The following DIAPH2 variants were observed in gnomAD, a reference collection of about 807,000 sequenced individuals.
DIAPH2 encodes the protein protein diaphanous homolog 2.
Under a neutral mutation model 92.7 loss-of-function variants are expected in DIAPH2, and 35 were observed. That is an observed-to-expected ratio of 0.38 (90% CI 0.29 to 0.50). DIAPH2 has a LOEUF of 0.50. Among genes scored for constraint, DIAPH2 ranks in the 20% least tolerant of loss-of-function variants. The pLI, the probability that DIAPH2 is intolerant of heterozygous loss-of-function variation, is 0.94. For missense variants in DIAPH2, 701 were observed against 819.5 expected (o/e 0.86, Z 1.77); for synonymous variants, 301 against 280.4 (o/e 1.07, Z -0.73).
chrX:97,574,222 G>A (rs1489914088), intron 26 of DIAPH2, among the ~76,000 whole-genome samples: 3 of 111,896 alleles, frequency 2.7e-5, no homozygotes, highest in African/African-American at 9.7e-5. Context: ...AGGATTCAAA[G>A]CACACAGGAA....
At chrX:97,559,099 G>A (rs910552074) in intron 26 of DIAPH2, among the ~76,000 whole-genome samples, 3 of 112,093 alleles carry the variant, frequency 2.7e-5, no homozygotes, top group Admixed American at 1.9e-4. Context: ...ACTATATTGA[G>A]ACAATTCTGA....
intron 3 of DIAPH2, among the ~76,000 whole-genome samples, chrX:96,744,017 G>T (rs760993053): frequency 6.3e-5 from 7 of 111,526 alleles, no homozygotes; most frequent in African/African-American, 2.3e-4. Flanking sequence ...TTAAATAACA[G>T]TATAATATAA....
At chrX:97,239,011 G>A (rs904690560) in intron 22 of DIAPH2, among the ~76,000 whole-genome samples, 1 of 111,451 alleles carries the variant, frequency 9.0e-6, no homozygotes. Context: ...CTTTCTTAGA[G>A]CAAAGATGTA....
chrX:97,537,084 C>T (rs1173158456), intron 26 of DIAPH2, among the ~76,000 whole-genome samples: 2 of 111,447 alleles, frequency 1.8e-5, no homozygotes, highest in Non-Finnish European at 3.8e-5. Flanking sequence ...TTACTAGGGA[C>T]ATCTCAGAAG....
chrX:96,909,479 G>C (rs768958486), intron 5 of DIAPH2, among the ~76,000 whole-genome samples: 2 of 111,330 alleles, frequency 1.8e-5, no homozygotes, highest in South Asian at 7.7e-4. Flanking sequence ...GAAAGGCAGA[G>C]AAATGGTGGT....
Position 97,276,157 on chromosome X carries a change from G to A in DIAPH2, c.2844+28318G>A, listed in dbSNP as rs979841030. ...TCAGGCGTGGCGGCGCGTGCCTGCA[G>A]TCGCAGGCACTCGGCAGGCTGAGGC... On this transcript the variant is annotated intron_variant, in intron 23 of 26. Coordinates refer to ENST00000324765, the MANE Select transcript of DIAPH2 (RefSeq NM_006729.5). Among the ~76,000 whole-genome samples the A allele has an allele frequency of 2.7e-5, 3 of 109,247 alleles. No individual in the cohort carries two copies. The East Asian group carries it at 9.2e-4, about 33-fold the overall frequency. 94.9% of individuals were successfully genotyped at this position (109,247 alleles called of 115,157 possible). A position where few individuals can be genotyped will look rare whatever the true frequency, so the allele number is the denominator to read the frequency against.
In DIAPH2 at chrX:96,816,640, A is replaced by G. The variant is rs1310964341; in HGVS notation, c.447+58382A>G. On this transcript the variant is annotated intron_variant, in intron 4 of 26. Coordinates refer to ENST00000324765, the MANE Select transcript of DIAPH2 (RefSeq NM_006729.5). ...ACTGTTGGTGGGAATGTAAATCAAT[A>G]CAACCACTATGGAAAGCAGTTTGGA... Among the ~76,000 whole-genome samples the G allele has an allele frequency of 4.5e-5, 5 of 112,335 alleles. No individual in the cohort carries two copies. The Admixed American group carries it at 4.7e-4, about 11-fold the overall frequency.
intron 25 of DIAPH2, among the ~76,000 whole-genome samples, chrX:97,397,717 T>G (rs1455046977): frequency 8.9e-6 from 1 of 112,095 alleles, no homozygotes; most frequent in Non-Finnish European, 1.9e-5. Flanking sequence ...GCTAATAATT[T>G]TACGCAGTTG....
intron 13 of DIAPH2, among the ~76,000 whole-genome samples, 157 bp from the exon 14 acceptor site, chrX:96,945,370 T>C (rs919881676): frequency 8.9e-6 from 1 of 111,994 alleles, no homozygotes; most frequent in Non-Finnish European, 1.9e-5. Flanking sequence ...AAAGAATATA[T>C]GATTTTTATG....
intron 21 of DIAPH2, among the ~76,000 whole-genome samples, chrX:97,137,478 G>T (rs2067181265): frequency 9.3e-6 from 1 of 107,734 alleles, no homozygotes; most frequent in African/African-American, 3.4e-5. Context: ...AGCTCATATT[G>T]AGTGTGAGAG....
At chrX:96,884,939 A>G in intron 5 of DIAPH2, 3 of 1,211,411 alleles carry the variant, frequency 2.5e-6, no homozygotes, top group Non-Finnish European at 3.4e-6. Context: ...CGTTTGATTC[A>G]TGAGTGTCCT....
intron 5 of DIAPH2, among the ~76,000 whole-genome samples, chrX:96,904,698 GT>G (rs774301917): frequency 1.0e-3 from 113 of 111,123 alleles, no homozygotes; most frequent in African/African-American, 3.5e-3. Flanking sequence ...CTACATACTG[GT>G]TTTAATCACA....
At chrX:96,943,372 TGTAA>T (rs2065718242) in intron 13 of DIAPH2, among the ~76,000 whole-genome samples, 1 of 111,434 alleles carries the variant, frequency 9.0e-6, no homozygotes, top group Admixed American at 9.6e-5. Flanking sequence ...GATTGATTTC[TGTAA>T]GTGAGGGTAT....
chrX:96,727,624 A>G (rs1285906388), intron 1 of DIAPH2, among the ~76,000 whole-genome samples: 2 of 111,806 alleles, frequency 1.8e-5, no homozygotes, highest in Non-Finnish European at 3.8e-5. Flanking sequence ...ATATTTATCT[A>G]TTTCTTCTCT....
chrX:96,833,568 A>G (rs1446469750), intron 4 of DIAPH2, among the ~76,000 whole-genome samples: 1 of 111,925 alleles, frequency 8.9e-6, no homozygotes, highest in Non-Finnish European at 1.9e-5. Context: ...AAAAATCATT[A>G]CGTCATTATA....
At chrX:97,073,421 T>G (rs112326244) in intron 18 of DIAPH2, among the ~76,000 whole-genome samples, 4,419 of 112,039 alleles carry the variant, frequency 0.039, 231 homozygotes, top group African/African-American at 0.14. Flanking sequence ...ATCCTTCTAC[T>G]GCTATTCCTT....
intron 26 of DIAPH2, among the ~76,000 whole-genome samples, chrX:97,560,038 A>C (rs1330179551): frequency 2.7e-5 from 3 of 111,867 alleles, no homozygotes; most frequent in Admixed American, 9.4e-5. Context: ...GCCTAGATCA[A>C]ATTTCACGGT....
At chrX:97,065,089 G>T (rs756163709) in intron 17 of DIAPH2, among the ~76,000 whole-genome samples, 1 of 111,476 alleles carries the variant, frequency 9.0e-6, no homozygotes, top group Non-Finnish European at 1.9e-5. Context: ...TTGTAGCATC[G>T]CAATTCCTAC....
chrX:96,712,904 C>G (rs1394605133), intron 1 of DIAPH2, among the ~76,000 whole-genome samples: 1 of 111,339 alleles, frequency 9.0e-6, no homozygotes, highest in Non-Finnish European at 1.9e-5. Context: ...CCTCTTGATA[C>G]TCTCTGCTTT....
Sources: gnomAD v4.1 joint callset for allele counts (sites outside exome capture counted in the v4.1 genomes callset) on GRCh38, gnomAD v4.1.1 for gene constraint, MANE v1.5 for transcripts, NCBI Gene and HGNC (gene_info 2026-07-23, HGNC 2026-07-21) for gene names.